VPS16: variants seen among roughly 807,000 people sequenced by gnomAD.
VPS16 encodes the protein VPS16 core subunit of CORVET and HOPS complexes, also known as vacuolar protein sorting-associated protein 16 homolog.
Under a neutral mutation model 116.0 loss-of-function variants are expected in VPS16, and 82 were observed. That is an observed-to-expected ratio of 0.71 (90% confidence interval 0.59 to 0.85). VPS16 has a LOEUF of 0.85. VPS16 is among the 40% of genes least tolerant of loss of function. The pLI is 0.00. For synonymous variants in VPS16, 406 were observed against 420.7 expected (o/e 0.96, Z 0.43); for missense variants, 928 against 1,090.6 (o/e 0.85, Z 2.10).
chr20:2,862,248 T>A (rs764596853), intron 11 of VPS16, 118 bp downstream of exon 11: 19 of 1,272,862 alleles, frequency 1.5e-5, no homozygotes, highest in Non-Finnish European at 1.8e-5. Flanking sequence ...GACACTGGTC[T>A]GGGCTGGGGA....
In VPS16 at chr20:2,862,090, C is replaced by T. The variant is rs749427609; in HGVS notation, c.1031C>T (p.Ala344Val). The change falls in exon 11 of 24, where the codon GCC (alanine) becomes GTC (valine). Residue 344 changes from alanine to valine, a missense_variant. By Grantham distance (64) the Ala-to-Val change is moderately conservative. Coordinates refer to ENST00000380445, the MANE Select transcript of VPS16 (RefSeq NM_022575.4). ...GAAATCTTCAAAATTGCCTCAATGGCCCCCGGGGCGCTGCTCCTGGAGGCT... is the reference window on the plus strand; with the variant it reads ...GAAATCTTCAAAATTGCCTCAATGGTCCCCGGGGCGCTGCTCCTGGAGGCT... ...SEEIFKIASM[A>V]PGALLLEAQK... 3.1e-6 allele frequency: 5 copies of T among 1,613,762 alleles called. No individual in the cohort carries two copies. The highest frequency in any genetic ancestry group is 4.2e-6 in the Non-Finnish European group (5 of 1,179,892).
chr20:2,861,816 A>G lies in VPS16; in HGVS notation c.911A>G (p.Asp304Gly). Residue 304 changes from aspartate (D) to glycine (G), a missense_variant, in exon 10 of 24, where the codon GAT (aspartate) becomes GGT (glycine). Physicochemically the swap from Asp to Gly is moderately conservative, Grantham distance 94. Coordinates refer to ENST00000380445, the MANE Select transcript of VPS16 (RefSeq NM_022575.4). ...DAPESIQFVL[D>G]EDSYLVPELD... is the part of the protein sequence containing the mutation. ...TTAACCAAGCTCAGGTTTGTGCTGGATGAGGACTCCTACCTGGTGCCTGAG... is the reference window on the plus strand; with the variant it reads ...TTAACCAAGCTCAGGTTTGTGCTGGGTGAGGACTCCTACCTGGTGCCTGAG... The G allele has an allele frequency of 5.0e-6, 8 of 1,613,930 alleles. No homozygotes were observed. Among genetic ancestry groups the G allele is most frequent in the Admixed American group, 1.7e-5 (1 of 60,000 alleles).
At chr20:2,846,113 T>G (rs1568622252) in intron 1 of VPS16, among the ~76,000 whole-genome samples, 1 of 43,026 alleles carries the variant, frequency 2.3e-5, no homozygotes, top group African/African-American at 2.0e-4. Context: ...TGTACTCCGC[T>G]TTTTTTTTTT....
rs139789218 is a variant in VPS16, at chr20:2,863,577, A to G, written c.1476+179A>G. On this transcript the variant is annotated intron_variant, in intron 15 of 23. Coordinates refer to ENST00000380445, the MANE Select transcript of VPS16 (RefSeq NM_022575.4). The surrounding 1 kb of genome is among the most constrained non-coding windows in gnomAD (Gnocchi z 4.4). The stretch of plus-strand genomic sequence containing the variant: ...CAGGTATTCGAGACTAGCCTGGCTA[A>G]CATGGTGAAACCCCGTCTCTACTAA... 2.5e-3 allele frequency among the ~76,000 whole-genome samples: 374 copies of G among 151,980 alleles called. 2 individuals carry two copies. In the South Asian group the frequency reaches 0.027, roughly 11 times the overall value.
At chr20:2,842,676 A>ATATATAGATACATCTAGATGTATCTATC (rs2088996447) in intron 1 of VPS16, among the ~76,000 whole-genome samples, 3 of 109,388 alleles carry the variant, frequency 2.7e-5, no homozygotes, top group African/African-American at 1.6e-4. Context: ...ATGTATCTAT[A>ATATATAGATACATCTAGATGTATCTATC]TATATATAGA....
Position 2,862,086 on chromosome 20 carries a change from A to G in VPS16, c.1027A>G (p.Met343Val), listed in dbSNP as rs775681471. ...CGAGGAAATCTTCAAAATTGCCTCA[A>G]TGGCCCCCGGGGCGCTGCTCCTGGA... ...ASEEIFKIAS[M>V]APGALLLEAQ... The change falls in exon 11 of 24, where the codon ATG becomes GTG. Residue 343 changes from methionine to valine, a missense_variant. Transcript: ENST00000380445. The G allele has an allele frequency of 4.3e-6, 7 of 1,613,974 alleles. No homozygotes were observed. The highest frequency in any genetic ancestry group is 2.2e-5 in the South Asian group (2 of 90,976).
chr20:2,861,500 T>C, intron 8 of VPS16, 115 bp from the exon 9 acceptor site: 1 of 1,383,012 alleles, frequency 7.2e-7, no homozygotes, highest in South Asian at 1.4e-5. Context: ...GAGGTCAGTG[T>C]ACAGTCAGTG....
At position 2,860,488 on chromosome 20, in the gene VPS16, C is replaced by T. The variant is rs2089215497; in HGVS notation, c.409C>T (p.His137Tyr). The stretch of plus-strand genomic sequence containing the variant: ...CCGGGTTCTGGATGCCCGGATCTTT[C>T]ACACTGAGTTTGGTTCCGGAGTGGC... Reference protein sequence around the residue: ...QNRVLDARIFHTEFGSGVAIL... With the variant: ...QNRVLDARIFYTEFGSGVAIL... Residue 137 changes from histidine (H) to tyrosine (Y), a missense_variant, in exon 5 of 24, where the codon CAC (histidine) becomes TAC (tyrosine). By Grantham distance (83) the His-to-Tyr change is moderately conservative. Transcript: ENST00000380445. The surrounding 1 kb of genome is among the most constrained non-coding windows in gnomAD (Gnocchi z 6.1). The T allele has an allele frequency of 9.3e-6, 15 of 1,614,080 alleles. No individual in the cohort carries two copies. Among genetic ancestry groups the T allele is most frequent in the Non-Finnish European group, 1.3e-5 (15 of 1,180,016 alleles).
chr20:2,855,838 C>T (rs1371772327), intron 1 of VPS16, among the ~76,000 whole-genome samples: 1 of 152,214 alleles, frequency 6.6e-6, no homozygotes, highest in South Asian at 2.1e-4. Context: ...TAGGGCCTTG[C>T]TCTGAATTAG....
At position 2,859,786 on chromosome 20, in the gene VPS16, G is replaced by C. The variant is rs573178030; in HGVS notation, c.121G>C (p.Ala41Pro). 4.3e-6 allele frequency: 7 copies of C among 1,612,832 alleles called. No individual in the cohort carries two copies. The highest frequency in any genetic ancestry group is 1.3e-5 in the African/African-American group (1 of 74,962). The change falls in exon 2 of 24, where the codon GCA becomes CCA. Residue 41 changes from alanine (A) to proline (P), a missense_variant. By Grantham distance (27) the Ala-to-Pro change is conservative (BLOSUM62 -1). Coordinates refer to ENST00000380445, the MANE Select transcript of VPS16 (RefSeq NM_022575.4). ...EELRDCLVAA[A>P]PYGGPIALLR... Reference sequence around the variant, plus strand: ...ACTCAGGGATTGCCTGGTGGCTGCTGCACCCTATGGGGGCCCCATTGGTAT... The same window carrying C: ...ACTCAGGGATTGCCTGGTGGCTGCTCCACCCTATGGGGGCCCCATTGGTAT...
chr20:2,844,495 C>T (rs2089039464), intron 1 of VPS16, among the ~76,000 whole-genome samples: 1 of 152,120 alleles, frequency 6.6e-6, no homozygotes. Flanking sequence ...TAATTTGTCC[C>T]ATCCCTTTGG....
intron 11 of VPS16, 74 bp downstream of exon 11, chr20:2,862,204 C>T: frequency 6.6e-7 from 1 of 1,515,498 alleles, no homozygotes; most frequent in Non-Finnish European, 9.0e-7. Context: ...TGAGCATAGC[C>T]AGGTGCCACC....
At chr20:2,858,100 GTT>G (rs1301349502) in intron 1 of VPS16, among the ~76,000 whole-genome samples, 1 of 138,914 alleles carries the variant, frequency 7.2e-6, no homozygotes. Flanking sequence ...ACTACTTTGG[GTT>G]TTTTTTTTTT....
intron 1 of VPS16, among the ~76,000 whole-genome samples, chr20:2,842,675 TATATATATAGATAC>T (rs1343261247): frequency 1.4e-5 from 2 of 138,610 alleles, no homozygotes; most frequent in East Asian, 4.1e-4. Context: ...GATGTATCTA[TATATATATAGATAC>T]ATCTAGATGT....
At chr20:2,852,477 TTTAG>T in intron 1 of VPS16, among the ~76,000 whole-genome samples, 1 of 152,242 alleles carries the variant, frequency 6.6e-6, no homozygotes, top group South Asian at 2.1e-4. Context: ...ACCCAATGAT[TTTAG>T]TTATAGAATG....
chr20:2,865,391 T>C lies in VPS16; in HGVS notation c.2175-8T>C. ...CCTGCAACACCTCCAAGCCCAGCTTTCCTGCAGGCTCTGGTGGCTGAAGCT... is the reference window on the plus strand; with the variant it reads ...CCTGCAACACCTCCAAGCCCAGCTTCCCTGCAGGCTCTGGTGGCTGAAGCT... On this transcript the variant is annotated splice_polypyrimidine_tract_variant and splice_region_variant and intron_variant, in intron 21 of 23. Transcript: ENST00000380445. This position sits in a 1 kb window ranked among gnomAD's most constrained non-coding sequence, Gnocchi z 5.2. 1 of 1,614,084 alleles carries C rather than the reference T, an allele frequency of 6.2e-7. No homozygotes were observed. Among genetic ancestry groups the C allele is most frequent in the Non-Finnish European group, 8.5e-7 (1 of 1,179,972 alleles).
chr20:2,850,953 G>A (rs1310375034), intron 1 of VPS16, among the ~76,000 whole-genome samples: 1 of 126,028 alleles, frequency 7.9e-6, no homozygotes, highest in Non-Finnish European at 1.6e-5. Flanking sequence ...CTGGGCGATA[G>A]AGTAAGACTG....
At chr20:2,859,601 G>A (rs1422732320) in intron 1 of VPS16, 118 bp from the exon 2 acceptor site, 10 of 1,193,268 alleles carry the variant, frequency 8.4e-6, no homozygotes, top group Non-Finnish European at 1.2e-5. Flanking sequence ...GGTAGAGAGT[G>A]GAGACTTCCT....
rs780994851 is a variant in VPS16 at position 2,865,559 on chromosome 20, G to T, written c.2271+64G>T. On this transcript the variant is annotated intron_variant, in intron 22 of 23. Transcript: ENST00000380445. The surrounding 1 kb of genome is among the most constrained non-coding windows in gnomAD (Gnocchi z 5.2). ...GGTAGTCTTCGGGAGAGAGGGCTAGGCAGGGAGACAGATAGGATGGCCCGT... is the reference window on the plus strand; with the variant it reads ...GGTAGTCTTCGGGAGAGAGGGCTAGTCAGGGAGACAGATAGGATGGCCCGT... 1 of 1,480,698 alleles carries T rather than the reference G, an allele frequency of 6.8e-7. No homozygotes were observed. Among genetic ancestry groups the T allele is most frequent in the Non-Finnish European group, 9.3e-7 (1 of 1,080,796 alleles). The allele number at this position is 1,480,698 out of a possible 1,614,324, so 91.7% of individuals were successfully genotyped here. A position where few individuals can be genotyped will look rare whatever the true frequency, so the allele number is the denominator to read the frequency against.
Sources: gnomAD v4.1 joint callset for allele counts (sites outside exome capture counted in the v4.1 genomes callset) on GRCh38, gnomAD v4.1.1 for gene constraint, Gnocchi (gnomAD v3.1) non-coding constraint, MANE v1.5 for transcripts, NCBI Gene and HGNC (gene_info 2026-07-23, HGNC 2026-07-21) for gene names.